KIAA1217: variants seen among roughly 807,000 people sequenced by gnomAD.
KIAA1217 encodes KIAA1217, also known as sickle tail protein homolog.
Under a neutral mutation model 163.9 loss-of-function variants are expected in KIAA1217, and 88 were observed. That is an observed-to-expected ratio of 0.54 (90% CI 0.45 to 0.64). KIAA1217 has a LOEUF of 0.64. Ranked by LOEUF, KIAA1217 falls within the 30% of genes least tolerant of loss-of-function variation. The pLI, the probability that KIAA1217 is intolerant of heterozygous loss-of-function variation, is 0.00. For missense variants in KIAA1217, 2,372 were observed against 2,475.0 expected (o/e 0.96, Z 0.88); for synonymous variants, 903 against 923.1 (o/e 0.98, Z 0.39).
chr10:23,903,798 A>G (rs541561528), intron 1 of KIAA1217, among the ~76,000 whole-genome samples: 2 of 152,148 alleles, frequency 1.3e-5, no homozygotes, highest in African/African-American at 4.8e-5. Context: ...TTGGGGTAGT[A>G]TTTCCTACAC....
At chr10:24,163,895 T>C (rs2065228971) in intron 2 of KIAA1217, among the ~76,000 whole-genome samples, 1 of 152,184 alleles carries the variant, frequency 6.6e-6, no homozygotes, top group Non-Finnish European at 1.5e-5. Context: ...CAGTGACACA[T>C]ACCTGTAGTC....
intron 2 of KIAA1217, among the ~76,000 whole-genome samples, chr10:24,072,563 T>C (rs932379075): frequency 6.6e-6 from 1 of 152,184 alleles, no homozygotes; most frequent in African/African-American, 2.4e-5. Flanking sequence ...GTGGGATCCA[T>C]GGAGGGGCAG....
At chr10:24,442,102 G>A (rs2060543562) in intron 5 of KIAA1217, among the ~76,000 whole-genome samples, 1 of 151,956 alleles carries the variant, frequency 6.6e-6, no homozygotes, top group African/African-American at 2.4e-5. Context: ...CTTGTATATA[G>A]ACAATTACCA....
chr10:23,806,519 T>C (rs1182155934), intron 1 of KIAA1217, among the ~76,000 whole-genome samples: 1 of 152,192 alleles, frequency 6.6e-6, no homozygotes, highest in Non-Finnish European at 1.5e-5. Context: ...TCTGTCTTGC[T>C]AAGGATACCA....
chr10:24,534,641 A>C (rs1211727828), intron 16 of KIAA1217, among the ~76,000 whole-genome samples: 1 of 152,002 alleles, frequency 6.6e-6, no homozygotes, highest in Admixed American at 6.6e-5. Flanking sequence ...GCACTTTGGG[A>C]GGCTGAGGCG....
At chr10:24,318,705 A>C (rs2043734170) in intron 2 of KIAA1217, among the ~76,000 whole-genome samples, 1 of 152,166 alleles carries the variant, frequency 6.6e-6, no homozygotes, top group Admixed American at 6.6e-5. Context: ...AGATTGGACA[A>C]CATTTCCTAT....
chr10:24,377,933 T>C (rs2134706325), intron 2 of KIAA1217, among the ~76,000 whole-genome samples: 1 of 152,212 alleles, frequency 6.6e-6, no homozygotes, highest in East Asian at 1.9e-4. Flanking sequence ...TTGAAGGAAT[T>C]CATTGGAAGG....
At chr10:24,435,746 T>G (rs1208748527) in intron 4 of KIAA1217, among the ~76,000 whole-genome samples, 4 of 152,172 alleles carry the variant, frequency 2.6e-5, no homozygotes, top group Non-Finnish European at 4.4e-5. Flanking sequence ...GAAGAAAAGG[T>G]CATGATTCTC....
At chr10:24,489,320 T>C (rs11816469) in intron 6 of KIAA1217, among the ~76,000 whole-genome samples, 49,481 of 151,870 alleles carry the variant, frequency 0.33, 8,269 homozygotes, top group East Asian at 0.5. Flanking sequence ...ATGCTTCAGA[T>C]TAGGGACTAA....
intron 2 of KIAA1217, among the ~76,000 whole-genome samples, chr10:24,117,095 T>C (rs963379797): frequency 4.0e-5 from 6 of 151,746 alleles, no homozygotes; most frequent in Non-Finnish European, 8.8e-5. Flanking sequence ...TGGAGTGCAG[T>C]GGCTCAATCT....
rs2045516394 is a variant in KIAA1217 at position 24,330,367 on chromosome 10, T to C, written c.355-50502T>C. ...AGGCTATGTTACCCTTTGGACATTTTTTGTTTGTTTGTTTGCCATTTAAGA... is the reference window on the plus strand; with the variant it reads ...AGGCTATGTTACCCTTTGGACATTTCTTGTTTGTTTGTTTGCCATTTAAGA... On this transcript the variant is annotated intron_variant, in intron 2 of 20. Transcript: ENST00000376454. Among the ~76,000 whole-genome samples the C allele has an allele frequency of 2.6e-5, 4 of 152,072 alleles. 1 individual carries two copies. In the South Asian group the frequency reaches 8.3e-4, roughly 32 times the overall value.
At chr10:24,350,097 G>A (rs1039886832) in intron 2 of KIAA1217, among the ~76,000 whole-genome samples, 5 of 152,154 alleles carry the variant, frequency 3.3e-5, no homozygotes, top group East Asian at 1.9e-4. Context: ...TTTTGCCCCC[G>A]TCCCCCAAAT....
At chr10:23,782,466 C>G (rs1835301428) in intron 1 of KIAA1217, among the ~76,000 whole-genome samples, 1 of 152,166 alleles carries the variant, frequency 6.6e-6, no homozygotes, top group Non-Finnish European at 1.5e-5. Flanking sequence ...GAGTCTAGTT[C>G]TGTCACCCAG....
At chr10:24,250,880 G>T (rs1014223457) in intron 2 of KIAA1217, among the ~76,000 whole-genome samples, 7 of 150,908 alleles carry the variant, frequency 4.6e-5, no homozygotes, top group African/African-American at 1.5e-4. Context: ...CTTGAGACCA[G>T]CAATCTGAGA....
At chr10:23,730,046 C>T (rs771936640) in intron 1 of KIAA1217, among the ~76,000 whole-genome samples, 2 of 152,094 alleles carry the variant, frequency 1.3e-5, no homozygotes, top group East Asian at 1.9e-4. Flanking sequence ...GGACAACAGG[C>T]GCCCACCACC....
At chr10:23,765,697 C>T (rs79932980) in intron 1 of KIAA1217, among the ~76,000 whole-genome samples, 1 of 152,140 alleles carries the variant, frequency 6.6e-6, no homozygotes, top group Non-Finnish European at 1.5e-5. Flanking sequence ...TTTGGCAGAT[C>T]CCCCGATCAG....
intron 2 of KIAA1217, among the ~76,000 whole-genome samples, chr10:24,014,421 G>C (rs771219155): frequency 2.6e-5 from 4 of 152,106 alleles, no homozygotes; most frequent in Non-Finnish European, 4.4e-5. Flanking sequence ...GTGTAGGAGA[G>C]AGTACACTAC....
chr10:23,810,955 A>AT (rs1837004963), intron 1 of KIAA1217, among the ~76,000 whole-genome samples: 1 of 116,634 alleles, frequency 8.6e-6, no homozygotes, highest in Non-Finnish European at 1.6e-5. Context: ...ATATTATATA[A>AT]TATATATAGT....
At chr10:23,937,399 T>A (rs35902560) in intron 1 of KIAA1217, among the ~76,000 whole-genome samples, 30,354 of 151,954 alleles carry the variant, frequency 0.2, 3,304 homozygotes, top group Middle Eastern at 0.27. Context: ...CTGAAACTCA[T>A]TCCTAGAACC....
Sources: allele counts gnomAD v4.1 joint callset (sites outside exome capture counted in the v4.1 genomes callset), GRCh38; gene constraint gnomAD v4.1.1; transcripts MANE v1.5; gene names NCBI Gene and HGNC (gene_info 2026-07-23, HGNC 2026-07-21).